The following ZMYM2 variants were observed in gnomAD, a reference collection of about 807,000 sequenced individuals.
ZMYM2 encodes zinc finger MYM-type protein 2.
ZMYM2 carries 56 observed loss-of-function variants against 162.8 expected under a neutral mutation model. The ratio of observed to expected loss-of-function variants is 0.34; its 90% CI spans 0.28 to 0.43. The LOEUF (loss-of-function observed/expected upper bound fraction) is 0.43, where lower values mean the gene tolerates loss of function less well. Ranked by LOEUF, ZMYM2 falls within the 20% of genes least tolerant of loss-of-function variation. The pLI is 1.00. For synonymous variants in ZMYM2, 510 were observed against 541.6 expected, an observed-to-expected ratio of 0.94 and a Z score of 0.81; for missense variants, 1,275 against 1,621.8, an observed-to-expected ratio of 0.79 and a Z score of 3.67.
chr13:19,966,953 C>T (rs539538370), intron 2 of ZMYM2, among the ~76,000 whole-genome samples: 2 of 152,116 alleles, frequency 1.3e-5, no homozygotes, highest in South Asian at 2.1e-4. Flanking sequence ...CATCCTATGT[C>T]TCTGTACGGT....
intron 2 of ZMYM2, among the ~76,000 whole-genome samples, chr13:19,966,720 C>G (rs1416508698): frequency 6.6e-6 from 1 of 152,078 alleles, no homozygotes; most frequent in South Asian, 2.1e-4. Flanking sequence ...GGATTATGGT[C>G]GTGAGCCACC....
At chr13:20,000,747 A>T (rs1950330454) in intron 3 of ZMYM2, among the ~76,000 whole-genome samples, 1 of 152,234 alleles carries the variant, frequency 6.6e-6, no homozygotes, top group Non-Finnish European at 1.5e-5. Flanking sequence ...TGTTGTTTTC[A>T]TACCTGCTAC....
At chr13:19,885,376 A>C in the ZMYM2 span, among the ~76,000 whole-genome samples, 1 of 152,220 alleles carries the variant, frequency 6.6e-6, no homozygotes, top group Admixed American at 6.6e-5. Flanking sequence ...GATCCATGCC[A>C]TAGGATTGTG....
At chr13:20,045,005 G>A (rs536200332) in intron 12 of ZMYM2, among the ~76,000 whole-genome samples, 138 of 135,986 alleles carry the variant, frequency 1.0e-3, no homozygotes, top group Non-Finnish European at 1.6e-3. Flanking sequence ...AGGTAAGATG[G>A]CACCACTACA....
At chr13:19,876,135 T>G in the ZMYM2 span, among the ~76,000 whole-genome samples, 2 of 151,984 alleles carry the variant, frequency 1.3e-5, no homozygotes, top group Non-Finnish European at 2.9e-5. Context: ...CACGCCATTC[T>G]CCTGCCTCAG....
chr13:19,919,400 T>A, the ZMYM2 span, among the ~76,000 whole-genome samples: 2 of 152,296 alleles, frequency 1.3e-5, no homozygotes, highest in Admixed American at 1.3e-4. Context: ...AAGTGTATAT[T>A]TAGTGTTTTA....
chr13:19,940,837 G>A, the ZMYM2 span, among the ~76,000 whole-genome samples: 4 of 152,122 alleles, frequency 2.6e-5, no homozygotes, highest in Non-Finnish European at 5.9e-5. Context: ...TGTAAACTAT[G>A]TAACAGAAAT....
chr13:19,931,431 T>C, the ZMYM2 span, among the ~76,000 whole-genome samples: 2 of 152,292 alleles, frequency 1.3e-5, no homozygotes, highest in Admixed American at 1.3e-4. Flanking sequence ...TAATTATTGA[T>C]TTTGGATTTC....
At chr13:19,997,225 G>A (rs1950084404) in intron 3 of ZMYM2, among the ~76,000 whole-genome samples, 1 of 152,078 alleles carries the variant, frequency 6.6e-6, no homozygotes, top group Non-Finnish European at 1.5e-5. Flanking sequence ...TACACAATGG[G>A]TATTGATGTA....
chr13:20,016,960 A>G (rs1398108332), intron 6 of ZMYM2, among the ~76,000 whole-genome samples: 1 of 152,114 alleles, frequency 6.6e-6, no homozygotes, highest in African/African-American at 2.4e-5. Context: ...CAGAAAGTTC[A>G]TGTTGGTCTA....
intron 12 of ZMYM2, among the ~76,000 whole-genome samples, chr13:20,049,430 T>C (rs1955112729): frequency 6.6e-6 from 1 of 152,008 alleles, no homozygotes; most frequent in Non-Finnish European, 1.5e-5. Flanking sequence ...TCCAAATTAT[T>C]GTATAAACGG....
chr13:19,977,030 C>T (rs1160159941), intron 2 of ZMYM2, among the ~76,000 whole-genome samples: 2 of 152,088 alleles, frequency 1.3e-5, no homozygotes, highest in Non-Finnish European at 2.9e-5. Flanking sequence ...TATATAATGT[C>T]CTTTGTCTCT....
intron 2 of ZMYM2, among the ~76,000 whole-genome samples, chr13:19,966,019 T>C (rs1955731011): frequency 1.3e-5 from 2 of 152,124 alleles, no homozygotes; most frequent in Admixed American, 6.5e-5. Context: ...ACTCAGGTGA[T>C]CCACCTGCCT....
chr13:20,043,277 G>A (rs1479160121), intron 12 of ZMYM2, among the ~76,000 whole-genome samples: 1 of 152,214 alleles, frequency 6.6e-6, no homozygotes, highest in Non-Finnish European at 1.5e-5. Context: ...TTGATGGATG[G>A]TGTCAGTCAC....
chr13:19,885,907 A>ATACACACATATATGTG, the ZMYM2 span, among the ~76,000 whole-genome samples: 2 of 30,260 alleles, frequency 6.6e-5, 1 homozygote, highest in African/African-American at 1.5e-4. Flanking sequence ...ACACATATAT[A>ATACACACATATATGTG]TGTATATACA....
chr13:20,044,424 TCTC>T (rs2140462075), intron 12 of ZMYM2, among the ~76,000 whole-genome samples: 1 of 152,162 alleles, frequency 6.6e-6, no homozygotes, highest in East Asian at 1.9e-4. Flanking sequence ...CCAGATTCCT[TCTC>T]CTTAAGCCAA....
At chr13:19,885,105 A>C in the ZMYM2 span, among the ~76,000 whole-genome samples, 1 of 152,148 alleles carries the variant, frequency 6.6e-6, no homozygotes, top group Non-Finnish European at 1.5e-5. Context: ...CCAAGTCCCC[A>C]CCCGACCCAG....
chr13:19,988,150 A>C (rs111930558), intron 2 of ZMYM2, among the ~76,000 whole-genome samples: 173 of 152,316 alleles, frequency 1.1e-3, no homozygotes, highest in Non-Finnish European at 2.1e-3. Context: ...TTTAACTCAA[A>C]GGGGTTGTCA....
intron 14 of ZMYM2, among the ~76,000 whole-genome samples, chr13:20,053,059 T>A (rs1256768492): frequency 6.6e-6 from 1 of 152,190 alleles, no homozygotes; most frequent in Admixed American, 6.5e-5. Context: ...AAGAGTTTTA[T>A]AGGTTGAAAG....
Sources: allele counts gnomAD v4.1 joint callset (sites outside exome capture counted in the v4.1 genomes callset), GRCh38; gene constraint gnomAD v4.1.1; transcripts MANE v1.5; gene names NCBI Gene and HGNC (gene_info 2026-07-23, HGNC 2026-07-21).